Variants in DAB1 observed in about 807,000 individuals in gnomAD.
The protein encoded by DAB1 is disabled homolog 1.
In DAB1, 15 loss-of-function variants were observed where a neutral mutation model predicts 64.6. The observed-to-expected ratio is 0.23, with a 90% confidence interval of 0.16 to 0.36. The LOEUF (loss-of-function observed/expected upper bound fraction) is 0.36, where lower values mean the gene tolerates loss of function less well. Ranked by LOEUF, DAB1 falls within the 10% of genes least tolerant of loss-of-function variation. DAB1 has a pLI of 1.00. For missense variants in DAB1, 596 were observed against 706.7 expected (o/e 0.84, Z 1.78); for synonymous variants, 235 against 251.9 (o/e 0.93, Z 0.64).
chr1:58,030,120 T>C (rs917360872), intron 5 of DAB1, among the ~76,000 whole-genome samples: 16 of 152,050 alleles, frequency 1.1e-4, no homozygotes, highest in Admixed American at 3.3e-4. Flanking sequence ...GCAGGGAGAA[T>C]TGCTTGAACC....
intron 1 of DAB1, among the ~76,000 whole-genome samples, chr1:58,527,722 G>A (rs1356000605): frequency 2.0e-5 from 3 of 152,114 alleles, no homozygotes; most frequent in Non-Finnish European, 4.4e-5. Context: ...TCAAGAAAAC[G>A]TAGGCATATA....
chr1:58,230,396 G>T (rs1234373981), intron 4 of DAB1, among the ~76,000 whole-genome samples: 1 of 152,150 alleles, frequency 6.6e-6, no homozygotes, highest in Non-Finnish European at 1.5e-5. Context: ...CACATCTCTC[G>T]AGACTCCCAG....
chr1:58,505,203 CA>C (rs1645968665), intron 3 of DAB1, among the ~76,000 whole-genome samples: 1 of 152,204 alleles, frequency 6.6e-6, no homozygotes, highest in Non-Finnish European at 1.5e-5. Context: ...CCACCCACCT[CA>C]GCCTCCCAAA....
chr1:58,247,242 C>A (rs1660582232), intron 4 of DAB1, among the ~76,000 whole-genome samples: 2 of 141,492 alleles, frequency 1.4e-5, no homozygotes, highest in African/African-American at 5.3e-5. Context: ...AGGGTGTTTA[C>A]TATTCATTTT....
chr1:58,077,369 C>T (rs1649720146), intron 5 of DAB1, among the ~76,000 whole-genome samples: 1 of 152,122 alleles, frequency 6.6e-6, no homozygotes. Flanking sequence ...AGATGATCCA[C>T]AGCAAGCCGA....
chr1:57,648,609 G>A (rs895532402), intron 7 of DAB1, among the ~76,000 whole-genome samples: 23 of 152,042 alleles, frequency 1.5e-4, no homozygotes, highest in African/African-American at 4.8e-4. Context: ...CAGCCTCCCC[G>A]CTCCTTCTCC....
intron 2 of DAB1, among the ~76,000 whole-genome samples, chr1:58,513,523 T>TA (rs1646113523): frequency 2.0e-5 from 3 of 152,140 alleles, no homozygotes; most frequent in Non-Finnish European, 4.4e-5. Flanking sequence ...CTTTCCTTCT[T>TA]AAAAACAGAA....
At chr1:58,016,426 C>G (rs902879906) in intron 5 of DAB1, among the ~76,000 whole-genome samples, 1 of 152,146 alleles carries the variant, frequency 6.6e-6, no homozygotes, top group African/African-American at 2.4e-5. Flanking sequence ...TTAAGTGATA[C>G]GAGGATGATT....
chr1:57,113,755 C>G (rs1655868687), intron 4 of DAB1, among the ~76,000 whole-genome samples: 1 of 152,152 alleles, frequency 6.6e-6, no homozygotes, highest in Non-Finnish European at 1.5e-5. Flanking sequence ...AACTCTGGCT[C>G]TAGATCCAGG....
intron 2 of DAB1, chr1:58,506,274 CTTTA>C (rs1471336087): frequency 1.5e-5 from 11 of 747,236 alleles, no homozygotes; most frequent in Non-Finnish European, 2.3e-5. Flanking sequence ...AAAACTACTA[CTTTA>C]TTTTTTTTTA....
chr1:57,500,387 T>G (rs1405219392), intron 7 of DAB1, among the ~76,000 whole-genome samples: 1 of 152,058 alleles, frequency 6.6e-6, no homozygotes, highest in Non-Finnish European at 1.5e-5. Flanking sequence ...GGTCAACATA[T>G]CAGAAAATAA....
chr1:57,010,582 G>C, intron 14 of DAB1, 98 bp downstream of exon 14: 1 of 576,924 alleles, frequency 1.7e-6, no homozygotes, highest in Non-Finnish European at 3.0e-6. Flanking sequence ...AAGGAGACAT[G>C]GTGCAAACAT....
At chr1:58,260,316 G>A (rs1284333754) in intron 4 of DAB1, among the ~76,000 whole-genome samples, 3 of 152,124 alleles carry the variant, frequency 2.0e-5, no homozygotes, top group Non-Finnish European at 4.4e-5. Flanking sequence ...GAATAGGAAG[G>A]AGACTAAACT....
At chr1:57,512,723 G>A (rs1008539724) in intron 7 of DAB1, among the ~76,000 whole-genome samples, 10 of 152,204 alleles carry the variant, frequency 6.6e-5, no homozygotes, top group African/African-American at 1.9e-4. Flanking sequence ...GCAGCTACTG[G>A]CACAATCTCA....
intron 5 of DAB1, among the ~76,000 whole-genome samples, chr1:58,121,804 T>C (rs1570379838): frequency 6.6e-6 from 1 of 152,198 alleles, no homozygotes; most frequent in African/African-American, 2.4e-5. Flanking sequence ...CATACATATA[T>C]ATATATTTCA....
chr1:57,377,417 T>C (rs1377755199), intron 1 of DAB1, among the ~76,000 whole-genome samples: 1 of 152,192 alleles, frequency 6.6e-6, no homozygotes. Flanking sequence ...GCACCACTTC[T>C]TGTCCACAGA....
At chr1:58,491,715 C>A (rs1184078917) in intron 3 of DAB1, among the ~76,000 whole-genome samples, 1 of 152,204 alleles carries the variant, frequency 6.6e-6, no homozygotes, top group East Asian at 1.9e-4. Context: ...GAAGAGCTAA[C>A]TATCCTAAAT....
At chr1:57,847,673 T>C (rs1653350232) in intron 1 of DAB1, among the ~76,000 whole-genome samples, 2 of 152,212 alleles carry the variant, frequency 1.3e-5, no homozygotes, top group African/African-American at 2.4e-5. Flanking sequence ...TATTTTTATA[T>C]TGATAGAAAC....
At chr1:57,641,539 A>G (rs925508755) in intron 7 of DAB1, among the ~76,000 whole-genome samples, 26 of 151,638 alleles carry the variant, frequency 1.7e-4, no homozygotes, top group African/African-American at 5.8e-4. Context: ...GCCCGCCACT[A>G]CGCCTGGCTA....
Sources: allele counts gnomAD v4.1 joint callset (sites outside exome capture counted in the v4.1 genomes callset), GRCh38; gene constraint gnomAD v4.1.1; transcripts MANE v1.5; gene names NCBI Gene and HGNC (gene_info 2026-07-23, HGNC 2026-07-21).